ANK3: variants seen among roughly 807,000 people sequenced by gnomAD.
The protein encoded by ANK3 is ankyrin-3.
A neutral mutation model predicts 370.9 loss-of-function variants in ANK3; 57 were observed. The ratio of observed to expected loss-of-function variants is 0.15; its 90% CI spans 0.12 to 0.19. The LOEUF (loss-of-function observed/expected upper bound fraction) is 0.19. Among genes scored for constraint, ANK3 ranks in the 10% least tolerant of loss-of-function variants. The pLI is 1.00. For missense variants in ANK3, 4,439 were observed against 5,302.1 expected (o/e 0.84, Z 5.06); for synonymous variants, 1,929 against 1,946.3 (o/e 0.99, Z 0.23).
chr10:60,228,757 T>A (rs1253503663), intron 8 of ANK3, among the ~76,000 whole-genome samples: 1 of 152,104 alleles, frequency 6.6e-6, no homozygotes, highest in East Asian at 1.9e-4. Flanking sequence ...TAAAAAAAAA[T>A]TAGATGTGAG....
At chr10:60,524,630 C>T (rs146189181) in intron 2 of ANK3, among the ~76,000 whole-genome samples, 64 of 152,206 alleles carry the variant, frequency 4.2e-4, no homozygotes, top group African/African-American at 1.5e-3. Flanking sequence ...ACTGTAAGTC[C>T]ATTAAACCTC....
At chr10:60,236,465 C>T (rs2097335946) in intron 7 of ANK3, among the ~76,000 whole-genome samples, 1 of 152,172 alleles carries the variant, frequency 6.6e-6, no homozygotes, top group African/African-American at 2.4e-5. Flanking sequence ...CCACCTTTTT[C>T]CCCCCGTGTT....
chr10:60,075,191 G>C lies in ANK3; in HGVS notation c.5690C>G (p.Ser1897Cys). Reference protein sequence around the residue: ...LKLSTPSSLSSSQEILKDVAE... With the variant: ...LKLSTPSSLSCSQEILKDVAE... Reference sequence around the variant, plus strand: ...TACATCTTTTAGTATCTCCTGACTGGAAGATAAAGAAGATGGTGTAGACAA... The same window carrying C: ...TACATCTTTTAGTATCTCCTGACTGCAAGATAAAGAAGATGGTGTAGACAA... The change falls in exon 37 of 44, where the codon TCC (serine) becomes TGC (cysteine). Residue 1897 changes from serine to cysteine, a missense_variant. By Grantham distance (112) the Ser-to-Cys change is moderately radical. Transcript: ENST00000280772. The C allele has an allele frequency of 6.2e-7, 1 of 1,614,136 alleles. No individual in the cohort carries two copies. Among genetic ancestry groups the C allele is most frequent in the Non-Finnish European group, 8.5e-7 (1 of 1,180,010 alleles).
chr10:60,477,454 G>A (rs752637292), intron 2 of ANK3, among the ~76,000 whole-genome samples: 1 of 151,402 alleles, frequency 6.6e-6, no homozygotes, highest in Non-Finnish European at 1.5e-5. Flanking sequence ...AGCAAAATGA[G>A]TTGGGGCTAC....
intron 1 of ANK3, among the ~76,000 whole-genome samples, chr10:60,298,667 C>G (rs76768989): frequency 2.6e-5 from 4 of 152,254 alleles, no homozygotes; most frequent in African/African-American, 9.6e-5. Context: ...CACATATGGG[C>G]TGAGATCAAA....
intron 11 of ANK3, among the ~76,000 whole-genome samples, chr10:60,204,146 T>C (rs1199743026): frequency 1.3e-5 from 2 of 152,190 alleles, no homozygotes; most frequent in African/African-American, 4.8e-5. Context: ...ATTCCGGCTG[T>C]CCAGAATTCA....
At chr10:60,128,301 G>T (rs1272378171) in intron 25 of ANK3, among the ~76,000 whole-genome samples, 5 of 152,104 alleles carry the variant, frequency 3.3e-5, no homozygotes, top group African/African-American at 9.7e-5. Context: ...GAGCCAGATG[G>T]CCAGTGACTC....
intron 1 of ANK3, among the ~76,000 whole-genome samples, chr10:60,657,070 A>T (rs2078874570): frequency 6.6e-6 from 1 of 152,224 alleles, no homozygotes; most frequent in African/African-American, 2.4e-5. Context: ...GGAAGGCCTC[A>T]CAATCATGGC....
chr10:60,202,895 A>G, intron 12 of ANK3, 107 bp downstream of exon 12: 1 of 711,796 alleles, frequency 1.4e-6, no homozygotes, highest in Admixed American at 2.9e-5. Context: ...AGACAGAGCG[A>G]TACTCCAACT....
chr10:60,056,337 C>T (rs1048913507), intron 41 of ANK3, among the ~76,000 whole-genome samples: 1 of 152,152 alleles, frequency 6.6e-6, no homozygotes, highest in African/African-American at 2.4e-5. Context: ...GGCGTGATGG[C>T]ACGTGCCTGT....
At chr10:60,386,089 T>C (rs903440120) in intron 1 of ANK3, among the ~76,000 whole-genome samples, 9 of 152,120 alleles carry the variant, frequency 5.9e-5, no homozygotes, top group Admixed American at 1.3e-4. Flanking sequence ...CAACCACTGC[T>C]CATGGACCAG....
chr10:60,111,792 G>A, intron 26 of ANK3: 1 of 455,440 alleles, frequency 2.2e-6, no homozygotes, highest in Non-Finnish European at 4.4e-6. Context: ...GAAAGCAAAT[G>A]GGAAGAATTA....
chr10:60,300,475 T>C, intron 1 of ANK3: 1 of 1,279,362 alleles, frequency 7.8e-7, no homozygotes, highest in Non-Finnish European at 1.0e-6. Flanking sequence ...AGGAAGGAGG[T>C]AGGAGCTGGT....
At chr10:60,491,853 T>C (rs1270631508) in intron 2 of ANK3, among the ~76,000 whole-genome samples, 3 of 152,186 alleles carry the variant, frequency 2.0e-5, no homozygotes, top group Non-Finnish European at 2.9e-5. Flanking sequence ...TCTCCTCATA[T>C]ATAAAATATG....
Position 60,354,779 on chromosome 10 carries a change from C to T in ANK3, c.114+34646G>A, listed in dbSNP as rs116462136. 2.2e-3 allele frequency among the ~76,000 whole-genome samples: 329 copies of T among 152,280 alleles called. 1 individual carries two copies. The highest frequency in any genetic ancestry group is 7.2e-3 in the African/African-American group (301 of 41,560). ...ATCCTATTTTAGAAGAACTACCCCCCTACAATGCAGTTGTATAAAAAGTGG... is the reference window on the plus strand; with the variant it reads ...ATCCTATTTTAGAAGAACTACCCCCTTACAATGCAGTTGTATAAAAAGTGG... On this transcript the variant is annotated intron_variant, in intron 1 of 43. Transcript: ENST00000280772.
At position 60,279,394 on chromosome 10, in the gene ANK3, TC is replaced by T. The variant is rs2132705583; in HGVS notation, c.216+143del. ...GACATATGCTGACATTTCTGAATGTTCCTCTAACAGAGAATAATTTGACAAT... is the reference window on the plus strand; with the variant it reads ...GACATATGCTGACATTTCTGAATGTTCTCTAACAGAGAATAATTTGACAAT... On this transcript the variant is annotated intron_variant, in intron 2 of 43. Coordinates refer to ENST00000280772, the MANE Select transcript of ANK3 (RefSeq NM_020987.5). The T allele has an allele frequency of 4.1e-6, 3 of 725,606 alleles. No individual in the cohort carries two copies. The East Asian group carries it at 7.7e-5, about 19-fold the overall frequency. The allele number at this position is 725,606 out of a possible 1,614,324, so 44.9% of individuals were successfully genotyped here.
chr10:60,283,254 G>C (rs2098192683), intron 1 of ANK3, among the ~76,000 whole-genome samples: 1 of 152,104 alleles, frequency 6.6e-6, no homozygotes. Flanking sequence ...TTTTGTCCTA[G>C]ACTCAGTATC....
intron 2 of ANK3, among the ~76,000 whole-genome samples, chr10:60,513,916 G>A (rs2076151943): frequency 6.6e-6 from 1 of 152,126 alleles, no homozygotes; most frequent in South Asian, 2.1e-4. Flanking sequence ...AAGTTACACT[G>A]AGTGGGTCTG....
chr10:60,345,443 GGTAATTTTTTAAGT>G (rs1299682738), intron 1 of ANK3, among the ~76,000 whole-genome samples: 1 of 151,936 alleles, frequency 6.6e-6, no homozygotes, highest in East Asian at 1.9e-4. Flanking sequence ...GTACTGAAAG[GGTAATTTTTTAAGT>G]GTAATTTTCC....
Sources: allele counts gnomAD v4.1 joint callset (sites outside exome capture counted in the v4.1 genomes callset), GRCh38; gene constraint gnomAD v4.1.1; transcripts MANE v1.5; gene names NCBI Gene and HGNC (gene_info 2026-07-23, HGNC 2026-07-21).